The following ADAMTSL3 variants were observed in gnomAD, a reference collection of about 807,000 sequenced individuals.
ADAMTSL3 encodes the protein ADAMTS like 3, also known as ADAMTS-like protein 3.
ADAMTSL3 carries 128 observed loss-of-function variants against 201.7 expected under a neutral mutation model. The observed-to-expected ratio is 0.63, with a 90% CI of 0.55 to 0.73. ADAMTSL3 has a LOEUF of 0.73. ADAMTSL3 is among the 30% of genes least tolerant of loss of function. The pLI, the probability that ADAMTSL3 is intolerant of heterozygous loss-of-function variation, is 0.00. For synonymous variants in ADAMTSL3, 738 were observed against 748.4 expected, an observed-to-expected ratio of 0.99 and a Z score of 0.23; for missense variants, 1,990 against 2,119.6, an observed-to-expected ratio of 0.94 and a Z score of 1.20.
chr15:83,907,584 A>G (rs1393019060), intron 15 of ADAMTSL3, among the ~76,000 whole-genome samples: 1 of 152,072 alleles, frequency 6.6e-6, no homozygotes, highest in African/African-American at 2.4e-5. Context: ...TTGTATTTTT[A>G]GTAGAGACAG....
intron 4 of ADAMTSL3, among the ~76,000 whole-genome samples, chr15:83,804,144 A>T (rs2141862609): frequency 1.4e-5 from 1 of 69,744 alleles, no homozygotes; most frequent in South Asian, 4.2e-4. Flanking sequence ...CTCTGTCTCA[A>T]AAAAAAAAGG....
chr15:83,909,647 C>A (rs2141950532), intron 15 of ADAMTSL3, among the ~76,000 whole-genome samples: 1 of 152,042 alleles, frequency 6.6e-6, no homozygotes, highest in South Asian at 2.1e-4. Context: ...TGGAGTCTCA[C>A]TGTGTTGCCC....
intron 10 of ADAMTSL3, 73 bp from the exon 11 acceptor site, chr15:83,890,036 T>A: frequency 6.7e-7 from 1 of 1,502,338 alleles, no homozygotes; most frequent in Non-Finnish European, 9.0e-7. Context: ...AAAAAGTGTG[T>A]GGCAAGTGAT....
intron 3 of ADAMTSL3, among the ~76,000 whole-genome samples, chr15:83,710,968 G>C (rs1380703726): frequency 6.6e-6 from 1 of 152,114 alleles, no homozygotes; most frequent in Non-Finnish European, 1.5e-5. Context: ...CATCTAATCT[G>C]TGGGCAGGAA....
At chr15:83,692,377 A>G (rs899131836) in intron 2 of ADAMTSL3, among the ~76,000 whole-genome samples, 1 of 151,820 alleles carries the variant, frequency 6.6e-6, no homozygotes, top group South Asian at 2.1e-4. Context: ...CTGTCTTCCT[A>G]TCGTCTTGCT....
In ADAMTSL3 at chr15:83,887,910, A is replaced by T. The variant is rs77521036; in HGVS notation, c.1073-2199A>T. 9.8e-3 allele frequency among the ~76,000 whole-genome samples: 1,485 copies of T among 151,946 alleles called. 27 individuals carry two copies. The highest frequency in any genetic ancestry group is 0.03 in the African/African-American group (1,259 of 41,418). On this transcript the variant is annotated intron_variant, in intron 10 of 29. Coordinates refer to ENST00000286744, the MANE Select transcript of ADAMTSL3 (RefSeq NM_207517.3). ...TTGGCTCAAACATCTATTTTTTTTT[A>T]AATTTTATTTCTTTGTTCTTACACA...
intron 13 of ADAMTSL3, among the ~76,000 whole-genome samples, chr15:83,897,284 ATTAACT>A (rs141312870): frequency 0.028 from 4,330 of 152,280 alleles, 181 homozygotes; most frequent in African/African-American, 0.099. Context: ...TAATGTTTTT[ATTAACT>A]TTAACTGCAG....
At chr15:83,738,051 A>C (rs915072878) in intron 3 of ADAMTSL3, among the ~76,000 whole-genome samples, 4 of 152,202 alleles carry the variant, frequency 2.6e-5, no homozygotes, top group African/African-American at 9.7e-5. Context: ...ATTACCCAAG[A>C]CTGTCTCCGA....
chr15:83,708,470 G>A (rs2061883675), intron 3 of ADAMTSL3, among the ~76,000 whole-genome samples: 1 of 152,144 alleles, frequency 6.6e-6, no homozygotes, highest in African/African-American at 2.4e-5. Context: ...AATGGGAGGC[G>A]TAAAAGCCAC....
intron 25 of ADAMTSL3, among the ~76,000 whole-genome samples, chr15:84,017,549 C>T (rs1049535979): frequency 3.3e-5 from 5 of 152,108 alleles, no homozygotes; most frequent in African/African-American, 7.2e-5. Context: ...ATAACTCTAC[C>T]GGTAGAGATT....
rs944994945 is a variant in ADAMTSL3 at position 83,654,769 on chromosome 15, A to G, written c.-34+493A>G. Among the ~76,000 whole-genome samples, 1 of 152,006 alleles carries G rather than the reference A, an allele frequency of 6.6e-6. No individual in the cohort carries two copies. Among genetic ancestry groups the G allele is most frequent in the Non-Finnish European group, 1.5e-5 (1 of 67,996 alleles). On this transcript the variant is annotated intron_variant, in intron 1 of 29. Coordinates refer to ENST00000286744, the MANE Select transcript of ADAMTSL3 (RefSeq NM_207517.3). This position sits in a 1 kb window ranked among gnomAD's most constrained non-coding sequence, Gnocchi z 5.3. ...GCAGCGGGTAGTCGGAGGAGTGTGC[A>G]CTCGGAAGGCTGGTGCGAGCAGGCG...
At chr15:83,883,464 C>T (rs1221632447) in intron 9 of ADAMTSL3, among the ~76,000 whole-genome samples, 3 of 151,832 alleles carry the variant, frequency 2.0e-5, no homozygotes, top group African/African-American at 7.3e-5. Context: ...TCAGCCACCA[C>T]GCCTGGCCCA....
chr15:83,906,805 A>G (rs1052536680), intron 15 of ADAMTSL3, among the ~76,000 whole-genome samples: 3 of 151,692 alleles, frequency 2.0e-5, no homozygotes, highest in African/African-American at 7.3e-5. Context: ...TTCTTTCCTA[A>G]TATTTATACC....
chr15:83,681,481 C>T (rs2141425203), intron 2 of ADAMTSL3, among the ~76,000 whole-genome samples: 1 of 152,252 alleles, frequency 6.6e-6, no homozygotes, highest in South Asian at 2.1e-4. Context: ...CATAGATCCA[C>T]CGTTGTTTGC....
intron 19 of ADAMTSL3, 40 bp from the exon 20 acceptor site, chr15:83,970,444 T>A: frequency 1.2e-6 from 2 of 1,612,776 alleles, no homozygotes; most frequent in Non-Finnish European, 1.7e-6. Flanking sequence ...GTCTGCCTGC[T>A]CATGCTCCAT....
At chr15:83,800,542 CT>C (rs935341382) in intron 4 of ADAMTSL3, among the ~76,000 whole-genome samples, 4 of 152,094 alleles carry the variant, frequency 2.6e-5, no homozygotes, top group Non-Finnish European at 4.4e-5. Context: ...TTTTAAGTTT[CT>C]TTTTACAAGA....
intron 15 of ADAMTSL3, among the ~76,000 whole-genome samples, chr15:83,900,520 TGA>T (rs1461470040): frequency 6.6e-6 from 1 of 152,214 alleles, no homozygotes; most frequent in Non-Finnish European, 1.5e-5. Context: ...ACAGAACAGC[TGA>T]TTCCATGTCA....
At chr15:83,937,071 A>G (rs2066473803) in intron 17 of ADAMTSL3, among the ~76,000 whole-genome samples, 1 of 151,050 alleles carries the variant, frequency 6.6e-6, no homozygotes, top group Admixed American at 6.6e-5. Context: ...TGGGAATGTA[A>G]ATTAATTCAG....
chr15:83,941,941 A>T (rs1053728347), intron 17 of ADAMTSL3, among the ~76,000 whole-genome samples: 3 of 152,180 alleles, frequency 2.0e-5, no homozygotes, highest in South Asian at 2.1e-4. Context: ...ATATTCTCCA[A>T]TGTGGTTAGG....
Sources: gnomAD v4.1 joint callset for allele counts (sites outside exome capture counted in the v4.1 genomes callset) on GRCh38, gnomAD v4.1.1 for gene constraint, Gnocchi (gnomAD v3.1) non-coding constraint, MANE v1.5 for transcripts, NCBI Gene and HGNC (gene_info 2026-07-23, HGNC 2026-07-21) for gene names.